The following ABCF1 variants were observed in gnomAD, a reference collection of about 807,000 sequenced individuals.
ABCF1 encodes ATP-binding cassette sub-family F member 1.
In ABCF1, 73 loss-of-function variants were observed where a neutral mutation model predicts 126.3. The observed-to-expected ratio is 0.58, with a 90% CI of 0.48 to 0.70. The LOEUF (loss-of-function observed/expected upper bound fraction) is 0.70, where lower values mean the gene tolerates loss of function less well. ABCF1 is among the 30% of genes least tolerant of loss of function. ABCF1 has a pLI of 0.00. For synonymous variants in ABCF1, 345 were observed against 396.4 expected (o/e 0.87, Z 1.54); for missense variants, 786 against 1,057.5 (o/e 0.74, Z 3.56).
chr6:30,582,976 A>G (rs1013521845), intron 9 of ABCF1, 90 bp from the exon 10 acceptor site: 6 of 1,514,844 alleles, frequency 4.0e-6, no homozygotes, highest in Non-Finnish European at 4.5e-6. Context: ...TACAGGCGTG[A>G]GCCAGCATGC....
chr6:30,575,905 A>G (rs1270334849), intron 1 of ABCF1, among the ~76,000 whole-genome samples: 1 of 151,958 alleles, frequency 6.6e-6, no homozygotes, highest in Non-Finnish European at 1.5e-5. Flanking sequence ...CCTCCTCTCT[A>G]AAAATTATTA....
Position 30,590,731 on chromosome 6 carries a change from C to T in ABCF1, c.*30C>T, listed in dbSNP as rs756623109. 5.1e-6 allele frequency: 8 copies of T among 1,582,376 alleles called. No homozygotes were observed. The African/African-American group carries it at 1.1e-4, about 21-fold the overall frequency. ...TCCTTCCCAGAAGTCTCCCGAGAGACATATTTGTGTGGCCTAGAAGTCCTC... is the reference window on the plus strand; with the variant it reads ...TCCTTCCCAGAAGTCTCCCGAGAGATATATTTGTGTGGCCTAGAAGTCCTC... On this transcript the variant is annotated 3_prime_UTR_variant, in exon 25 of 25. Transcript: ENST00000326195.
rs1288690646 is a variant in ABCF1, at chr6:30,586,827, A to T, written c.2031+116A>T. ...TGTAGAGTTAAATACAGAACTCATG[A>T]TAGATGATTCATTTCCCTAAGAGGG... On this transcript the variant is annotated intron_variant, in intron 20 of 24. Transcript: ENST00000326195. The surrounding 1 kb of genome is among the most constrained non-coding windows in gnomAD (Gnocchi z 4.9). 4 of 1,135,062 alleles carry T rather than the reference A, an allele frequency of 3.5e-6. No homozygotes were observed. The highest frequency in any genetic ancestry group is 5.1e-6 in the Non-Finnish European group (4 of 779,480). 70.3% of individuals were successfully genotyped at this position (1,135,062 alleles called of 1,614,324 possible).
At chr6:30,589,618 A>AC (rs1554123943) in intron 20 of ABCF1, 70 bp from the exon 21 acceptor site, 11 of 1,532,014 alleles carry the variant, frequency 7.2e-6, no homozygotes, top group Admixed American at 2.0e-5. Context: ...AAAAAAAAAA[A>AC]AGTTGATGTA....
chr6:30,586,048 G>A lies in ABCF1; in HGVS notation c.1713+57G>A. ...CCACTGTTCTCTCCTGGCAGTGGAG[G>A]AAGAAGGAGACTCTGGAACGCTGGC... On this transcript the variant is annotated intron_variant, in intron 17 of 24. Coordinates refer to ENST00000326195, the MANE Select transcript of ABCF1 (RefSeq NM_001025091.2). The surrounding 1 kb of genome is among the most constrained non-coding windows in gnomAD (Gnocchi z 4.9). 1.3e-6 allele frequency: 2 copies of A among 1,590,374 alleles called. No individual in the cohort carries two copies. Among genetic ancestry groups the A allele is most frequent in the East Asian group, 2.2e-5 (1 of 44,526 alleles).
Position 30,589,902 on chromosome 6 carries a change from G to C in ABCF1, c.2161G>C (p.Asp721His). 1 of 1,614,192 alleles carries C rather than the reference G, an allele frequency of 6.2e-7. No individual in the cohort carries two copies. Among genetic ancestry groups the C allele is most frequent in the East Asian group, 2.2e-5 (1 of 44,878 alleles). ...GCGGGGCTTCAACCTGCCCTACCAG[G>C]ATGCCCGCAAGTGCCTGGGCCGCTT... ...LQRGFNLPYQ[D>H]ARKCLGRFGL... The change falls in exon 22 of 25, where the codon GAT becomes CAT. Residue 721 changes from aspartate (D) to histidine (H), a missense_variant. Physicochemically the swap from Asp to His is moderately conservative, Grantham distance 81. Coordinates refer to ENST00000326195, the MANE Select transcript of ABCF1 (RefSeq NM_001025091.2).
chr6:30,586,650 T>G lies in ABCF1; in HGVS notation c.1970T>G (p.Val657Gly). 1 of 1,613,672 alleles carries G rather than the reference T, an allele frequency of 6.2e-7. No homozygotes were observed. The highest frequency in any genetic ancestry group is 8.5e-7 in the Non-Finnish European group (1 of 1,180,014). The change falls in exon 20 of 25, where the codon GTG becomes GGG. Residue 657 changes from valine to glycine, a missense_variant. This residue lies in a region of ABCF1 where 288 missense variants were observed against 423.5 expected (regional missense o/e 0.68). Transcript: ENST00000326195. The surrounding 1 kb of genome is among the most constrained non-coding windows in gnomAD (Gnocchi z 4.9). ...GIDMDSRICI[V>G]GPNGVGKSTL... ...GTCTTCCATCTTGCAGTTTGCATTG[T>G]GGGCCCTAATGGTGTGGGGAAGAGT...
intron 20 of ABCF1, 172 bp from the exon 21 acceptor site, chr6:30,589,516 T>C: frequency 1.4e-6 from 1 of 690,338 alleles, no homozygotes; most frequent in Non-Finnish European, 2.4e-6. Flanking sequence ...GGCAGGAGAA[T>C]GGCGTGAACC....
chr6:30,585,240 CT>C lies in ABCF1; in HGVS notation c.1392-19del, dbSNP rs1561796605. The C allele has an allele frequency of 6.2e-7, 1 of 1,610,236 alleles. No individual in the cohort carries two copies. The highest frequency in any genetic ancestry group is 8.5e-7 in the Non-Finnish European group (1 of 1,177,196). On this transcript the variant is annotated intron_variant, in intron 14 of 24. Coordinates refer to ENST00000326195, the MANE Select transcript of ABCF1 (RefSeq NM_001025091.2). ...GGATCTTTCTCTCCCTGACCCTGCC[CT>C]CTGCTACCCACCCTCTAGGGCACTG... is the stretch of plus-strand genomic sequence containing the variant.
chr6:30,577,874 C>G lies in ABCF1; in HGVS notation c.177C>G (p.Leu59=). The G allele has an allele frequency of 6.2e-7, 1 of 1,613,958 alleles. No individual in the cohort carries two copies. Among genetic ancestry groups the G allele is most frequent in the Non-Finnish European group, 8.5e-7 (1 of 1,180,016 alleles). Reference sequence around the variant, plus strand: ...AGGCTGGGGAAGAAGAGAAAGTGCTCAAGGAGAAGGAGCAGCAGCAGCAGC... The same window carrying G: ...AGGCTGGGGAAGAAGAGAAAGTGCTGAAGGAGAAGGAGCAGCAGCAGCAGC... ...DKQAGEEEKV[L]KEKEQQQQQQ... The change falls in exon 3 of 25, where the codon CTC becomes CTG. Residue 59 remains leucine, a synonymous_variant. Coordinates refer to ENST00000326195, the MANE Select transcript of ABCF1 (RefSeq NM_001025091.2).
Position 30,581,398 on chromosome 6 carries a change from CTTTTTTTTTTTT to C in ABCF1, c.678+891_678+902del, listed in dbSNP as rs71552010. Among the ~76,000 whole-genome samples the C allele has an allele frequency of 8.6e-4, 73 of 84,862 alleles. No homozygotes were observed. The South Asian group carries it at 0.019, about 22-fold the overall frequency. 55.7% of individuals were successfully genotyped at this position (84,862 alleles called of 152,430 possible). A position where few individuals can be genotyped will look rare whatever the true frequency, so the allele number is the denominator to read the frequency against. ...TGACTGTGCACTAGAGCTTCCTGAT[CTTTTTTTTTTTT>C]TTTTTTTTTTTGAGATGGAGTCTCA... On this transcript the variant is annotated intron_variant, in intron 8 of 24. Coordinates refer to ENST00000326195, the MANE Select transcript of ABCF1 (RefSeq NM_001025091.2).
rs375764120 is a variant in ABCF1 at position 30,582,552 on chromosome 6, T to A, written c.792+45T>A. On this transcript the variant is annotated intron_variant, in intron 9 of 24. Coordinates refer to ENST00000326195, the MANE Select transcript of ABCF1 (RefSeq NM_001025091.2). ...CGGTCAAAAGTAGGGGATTTTTAAA[T>A]ACTTCAACTAGGGGACATGCGATTG... 6.3e-6 allele frequency: 10 copies of A among 1,596,474 alleles called. No individual in the cohort carries two copies. In the East Asian group the frequency reaches 6.7e-5, roughly 11 times the overall value.
intron 7 of ABCF1, 54 bp downstream of exon 7, chr6:30,580,059 C>A: frequency 6.3e-7 from 1 of 1,581,536 alleles, no homozygotes; most frequent in Non-Finnish European, 8.7e-7. Context: ...TAAAACATTT[C>A]ATCAGGGCTG....
intron 1 of ABCF1, among the ~76,000 whole-genome samples, chr6:30,573,399 G>A (rs1323915921): frequency 6.6e-6 from 1 of 152,236 alleles, no homozygotes; most frequent in East Asian, 1.9e-4. Context: ...ATGGCAAGAA[G>A]AGAGTTTGTT....
chr6:30,581,144 C>G (rs1399748545), intron 8 of ABCF1, among the ~76,000 whole-genome samples: 1 of 151,996 alleles, frequency 6.6e-6, no homozygotes, highest in Non-Finnish European at 1.5e-5. Flanking sequence ...CAGCCTTGGC[C>G]CATGGGCTGT....
Position 30,580,519 on chromosome 6 carries a change from G to A in ABCF1, c.678G>A (p.Gln226=). The change falls in exon 8 of 25, where the codon CAG becomes CAA. Residue 226 remains glutamine (Q), a splice_region_variant and synonymous_variant. Transcript: ENST00000326195. The stretch of plus-strand genomic sequence containing the variant: ...AGGAGAAGGCCAAGAAGGCAGAGCA[G>A]GTGTGTATTTGGTGTTGGGGCAAGG... ...QGKEKAKKAE[Q]GSEEEGEGEE... The A allele has an allele frequency of 6.6e-7, 1 of 1,507,686 alleles. No individual in the cohort carries two copies. Among genetic ancestry groups the A allele is most frequent in the African/African-American group, 1.5e-5 (1 of 68,100 alleles). 93.4% of individuals were successfully genotyped at this position (1,507,686 alleles called of 1,614,324 possible). A position where few individuals can be genotyped will look rare whatever the true frequency, so the allele number is the denominator to read the frequency against.
rs141836033 is a variant in ABCF1, at chr6:30,586,826, G to C, written c.2031+115G>C. On this transcript the variant is annotated intron_variant, in intron 20 of 24. Transcript: ENST00000326195. The surrounding 1 kb of genome is among the most constrained non-coding windows in gnomAD (Gnocchi z 4.9). ...ATGTAGAGTTAAATACAGAACTCAT[G>C]ATAGATGATTCATTTCCCTAAGAGG... The C allele has an allele frequency of 9.4e-3, 10,772 of 1,139,926 alleles. 99 individuals are homozygous for C. The highest frequency in any genetic ancestry group is 0.032 in the African/African-American group (2,052 of 65,024). The allele number at this position is 1,139,926 out of a possible 1,614,324, so 70.6% of individuals were successfully genotyped here.
chr6:30,579,904 T>C, intron 6 of ABCF1, 27 bp from the exon 7 acceptor site: 2 of 1,606,678 alleles, frequency 1.2e-6, no homozygotes, highest in Non-Finnish European at 8.5e-7. Flanking sequence ...TATGTATGTG[T>C]GTAATGTGTA....
chr6:30,586,008 C>T lies in ABCF1; in HGVS notation c.1713+17C>T. The T allele has an allele frequency of 6.2e-7, 1 of 1,601,764 alleles. No individual in the cohort carries two copies. The highest frequency in any genetic ancestry group is 8.5e-7 in the Non-Finnish European group (1 of 1,173,564). On this transcript the variant is annotated intron_variant, in intron 17 of 24. Transcript: ENST00000326195. The surrounding 1 kb of genome is among the most constrained non-coding windows in gnomAD (Gnocchi z 4.9). ...AAGCAGGCGGTGAGCACCTGAGGGACTTCTGGGCTGGGGGCCACTGTTCTC... is the reference window on the plus strand; with the variant it reads ...AAGCAGGCGGTGAGCACCTGAGGGATTTCTGGGCTGGGGGCCACTGTTCTC...
Sources: gnomAD v4.1 joint callset for allele counts (sites outside exome capture counted in the v4.1 genomes callset) on GRCh38, gnomAD v4.1.1 for gene constraint, gnomAD v4.1.1 regional missense constraint, Gnocchi (gnomAD v3.1) non-coding constraint, MANE v1.5 for transcripts, NCBI Gene and HGNC (gene_info 2026-07-23, HGNC 2026-07-21) for gene names.